GRM5: variants seen among roughly 807,000 people sequenced by gnomAD.
The protein encoded by GRM5 is glutamate metabotropic receptor 5.
Under a neutral mutation model 83.1 loss-of-function variants are expected in GRM5, and 19 were observed. The ratio of observed to expected loss-of-function variants is 0.23; its 90% CI spans 0.16 to 0.34. The LOEUF is 0.34. GRM5 is among the 10% of genes least tolerant of loss of function. The pLI is 1.00. For synonymous variants in GRM5, 675 were observed against 633.6 expected, an observed-to-expected ratio of 1.07 and a Z score of -0.98; for missense variants, 1,160 against 1,588.3, an observed-to-expected ratio of 0.73 and a Z score of 4.58.
chr11:88,871,138 A>C (rs1487240297), intron 2 of GRM5, among the ~76,000 whole-genome samples: 2 of 151,652 alleles, frequency 1.3e-5, no homozygotes, highest in African/African-American at 4.8e-5. Flanking sequence ...AGAGTTGGGT[A>C]AGCTTTTATG....
At chr11:88,629,411 T>C (rs1418122235) in intron 4 of GRM5, among the ~76,000 whole-genome samples, 1 of 152,160 alleles carries the variant, frequency 6.6e-6, no homozygotes, top group Admixed American at 6.5e-5. Context: ...TATAGTGTCT[T>C]CTCTCCTTGT....
At chr11:89,000,878 T>C (rs1940354597) in intron 2 of GRM5, among the ~76,000 whole-genome samples, 1 of 151,878 alleles carries the variant, frequency 6.6e-6, no homozygotes, top group Non-Finnish European at 1.5e-5. Flanking sequence ...TGCTCATTAG[T>C]ATATGGGCAA....
intron 3 of GRM5, among the ~76,000 whole-genome samples, chr11:88,848,444 A>G (rs548187320): frequency 6.6e-6 from 1 of 152,260 alleles, no homozygotes; most frequent in Non-Finnish European, 1.5e-5. Context: ...AAGGAAGTAC[A>G]TTTCCCTTAA....
At chr11:88,767,040 C>T (rs1371874285) in intron 3 of GRM5, among the ~76,000 whole-genome samples, 1 of 151,832 alleles carries the variant, frequency 6.6e-6, no homozygotes, top group Non-Finnish European at 1.5e-5. Flanking sequence ...TAATTTTTTT[C>T]TCTTGTTTGA....
At chr11:88,757,577 C>A (rs963722786) in intron 3 of GRM5, among the ~76,000 whole-genome samples, 1 of 151,778 alleles carries the variant, frequency 6.6e-6, no homozygotes, top group African/African-American at 2.4e-5. Context: ...GTGTCTCACC[C>A]CCATCAATGT....
intron 3 of GRM5, among the ~76,000 whole-genome samples, chr11:88,713,253 G>A (rs992220908): frequency 6.6e-6 from 1 of 152,036 alleles, no homozygotes; most frequent in African/African-American, 2.4e-5. Flanking sequence ...AAAATTTGCT[G>A]TTTCCTAGGG....
intron 3 of GRM5, among the ~76,000 whole-genome samples, chr11:88,752,509 T>C (rs890183942): frequency 6.6e-6 from 1 of 152,222 alleles, no homozygotes; most frequent in African/African-American, 2.4e-5. Context: ...ATCAATATTG[T>C]GAAAATGGCC....
chr11:89,029,213 A>G (rs1941202808), intron 2 of GRM5, among the ~76,000 whole-genome samples: 1 of 152,234 alleles, frequency 6.6e-6, no homozygotes, highest in South Asian at 2.1e-4. Flanking sequence ...AACATTACAG[A>G]ATTTGTAACA....
chr11:88,768,213 G>A (rs957299813), intron 3 of GRM5, among the ~76,000 whole-genome samples: 9 of 151,904 alleles, frequency 5.9e-5, no homozygotes, highest in Middle Eastern at 6.3e-3. Context: ...ATGGATGGAC[G>A]GATGGATAAG....
At position 88,996,950 on chromosome 11, in the gene GRM5, T is replaced by C. The variant is rs141740115; in HGVS notation, c.661+50262A>G. Among the ~76,000 whole-genome samples the C allele has an allele frequency of 5.5e-3, 832 of 152,262 alleles. 5 individuals carry two copies. The highest frequency in any genetic ancestry group is 0.019 in the African/African-American group (806 of 41,544). ...AACTTTTTTAAATCATTGAACTAAG[T>C]TGACAATATAACAAAATTTGTGGAA... On this transcript the variant is annotated intron_variant, in intron 2 of 9. Coordinates refer to ENST00000305447, the MANE Select transcript of GRM5 (RefSeq NM_001143831.3).
intron 2 of GRM5, among the ~76,000 whole-genome samples, chr11:88,898,671 A>G (rs1945271687): frequency 6.6e-6 from 1 of 151,952 alleles, no homozygotes; most frequent in Non-Finnish European, 1.5e-5. Flanking sequence ...AGATTTGTGT[A>G]TGTGTATGTA....
chr11:88,725,585 G>T (rs914233390), intron 3 of GRM5, among the ~76,000 whole-genome samples: 2 of 152,120 alleles, frequency 1.3e-5, no homozygotes, highest in African/African-American at 4.8e-5. Context: ...CATGCCTCTG[G>T]ACTGGGAGAC....
chr11:88,530,549 T>C (rs1488750055), intron 8 of GRM5, among the ~76,000 whole-genome samples: 1 of 152,062 alleles, frequency 6.6e-6, no homozygotes, highest in African/African-American at 2.4e-5. Context: ...CTAAAAGATG[T>C]GCAGGTAAGA....
intron 2 of GRM5, among the ~76,000 whole-genome samples, chr11:88,902,181 T>A (rs1479554668): frequency 6.6e-6 from 1 of 152,078 alleles, no homozygotes; most frequent in East Asian, 1.9e-4. Flanking sequence ...TTTGTTTTTT[T>A]AATGAGTTTA....
intron 3 of GRM5, among the ~76,000 whole-genome samples, chr11:88,713,409 A>C (rs1405692763): frequency 1.3e-5 from 2 of 152,046 alleles, no homozygotes; most frequent in African/African-American, 4.8e-5. Flanking sequence ...AAGATGAAAC[A>C]AGTTTGGTCA....
intron 4 of GRM5, among the ~76,000 whole-genome samples, chr11:88,612,417 G>T (rs376684427): frequency 1.5e-5 from 2 of 134,454 alleles, no homozygotes; most frequent in South Asian, 4.8e-4. Flanking sequence ...GAATAATGCC[G>T]CAATAAACAT....
intron 2 of GRM5, among the ~76,000 whole-genome samples, chr11:89,021,156 C>T (rs11018428): frequency 0.096 from 14,654 of 152,034 alleles, 1,773 homozygotes; most frequent in African/African-American, 0.29. Context: ...AAAAAAAGAA[C>T]AGAAGGGATT....
intron 3 of GRM5, among the ~76,000 whole-genome samples, chr11:88,808,002 G>C (rs1047031532): frequency 2.6e-5 from 4 of 151,826 alleles, no homozygotes; most frequent in Non-Finnish European, 5.9e-5. Flanking sequence ...TGTTTTCATA[G>C]AATATTCATT....
intron 2 of GRM5, among the ~76,000 whole-genome samples, chr11:89,019,350 T>G (rs1940928383): frequency 6.6e-6 from 1 of 152,106 alleles, no homozygotes; most frequent in Non-Finnish European, 1.5e-5. Flanking sequence ...GTCAGCTTTT[T>G]CCACCATTCC....
Sources: gnomAD v4.1 joint callset for allele counts (sites outside exome capture counted in the v4.1 genomes callset) on GRCh38, gnomAD v4.1.1 for gene constraint, MANE v1.5 for transcripts, NCBI Gene and HGNC (gene_info 2026-07-23, HGNC 2026-07-21) for gene names.